FAM135B: variants seen among roughly 807,000 people sequenced by gnomAD.
FAM135B encodes the protein protein FAM135B.
Under a neutral mutation model 127.7 loss-of-function variants are expected in FAM135B, and 43 were observed. The observed-to-expected ratio is 0.34, with a 90% CI of 0.26 to 0.43. The LOEUF (loss-of-function observed/expected upper bound fraction) is 0.43. FAM135B is among the 20% of genes least tolerant of loss of function. The pLI, the probability that FAM135B is intolerant of heterozygous loss-of-function variation, is 1.00. For missense variants in FAM135B, 1,558 were observed against 1,725.6 expected (o/e 0.90, Z 1.72); for synonymous variants, 670 against 665.1 (o/e 1.01, Z -0.11).
chr8:138,496,679 ACTGCAGGG>A lies in FAM135B; in HGVS notation c.-36_-29del, dbSNP rs1250623933. The stretch of plus-strand genomic sequence containing the variant: ...GAAGCGCTCTCACCTACCTGTCTCC[ACTGCAGGG>A]CTCCCCTCTCTCTCCCCCGGGGGCC... On this transcript the variant is annotated 5_prime_UTR_variant, in exon 1 of 20. Transcript: ENST00000395297. The A allele has an allele frequency of 6.6e-6, 1 of 152,064 alleles. No homozygotes were observed. The highest frequency in any genetic ancestry group is 6.6e-5 in the Admixed American group (1 of 15,256). The allele number at this position is 152,064 out of a possible 1,614,324, so 9.4% of individuals were successfully genotyped here. A position where few individuals can be genotyped will look rare whatever the true frequency, so the allele number is the denominator to read the frequency against.
intron 6 of FAM135B, among the ~76,000 whole-genome samples, chr8:138,248,558 A>G (rs1289917215): frequency 6.6e-6 from 1 of 152,068 alleles, no homozygotes; most frequent in Non-Finnish European, 1.5e-5. Context: ...AGTGGCTCAC[A>G]CCTATAATCC....
intron 7 of FAM135B, among the ~76,000 whole-genome samples, chr8:138,200,428 G>A (rs550058627): frequency 6.6e-6 from 1 of 152,252 alleles, no homozygotes; most frequent in Admixed American, 6.5e-5. Context: ...CATCAGACCA[G>A]TTAGATCTGT....
At chr8:138,390,951 G>A (rs1159404456) in intron 1 of FAM135B, among the ~76,000 whole-genome samples, 2 of 152,142 alleles carry the variant, frequency 1.3e-5, no homozygotes, top group Admixed American at 6.5e-5. Context: ...GACGCAACAG[G>A]TGCTACCCAG....
Position 138,235,153 on chromosome 8 carries a change from A to G in FAM135B, c.669+7789T>C, listed in dbSNP as rs75101715. Among the ~76,000 whole-genome samples, 1,494 of 152,258 alleles carry G rather than the reference A, an allele frequency of 9.8e-3. 23 individuals carry two copies. Among genetic ancestry groups the G allele is most frequent in the African/African-American group, 0.035 (1,439 of 41,550 alleles). On this transcript the variant is annotated intron_variant, in intron 7 of 19. Coordinates refer to ENST00000395297, the MANE Select transcript of FAM135B (RefSeq NM_015912.4). ...ATGGCTACATCTACAGTGGCCACTC[A>G]TTGTAGATATAAGAAGATGTAAGTC...
intron 1 of FAM135B, among the ~76,000 whole-genome samples, chr8:138,378,699 T>G (rs1454353580): frequency 6.6e-6 from 1 of 151,218 alleles, no homozygotes; most frequent in East Asian, 1.9e-4. Flanking sequence ...TTTCTTTCCT[T>G]CAATATAGAA....
At chr8:138,361,933 AC>A (rs1430790031) in intron 2 of FAM135B, among the ~76,000 whole-genome samples, 1 of 152,078 alleles carries the variant, frequency 6.6e-6, no homozygotes. Flanking sequence ...ACAAGCATCT[AC>A]CATGCATATG....
intron 1 of FAM135B, chr8:138,437,152 G>C (rs938221316): frequency 6.6e-6 from 1 of 152,090 alleles, no homozygotes; most frequent in African/African-American, 2.4e-5. Context: ...ATTCCTCAGG[G>C]GTTTAGAAAT....
chr8:138,440,419 A>T (rs1247645697), intron 1 of FAM135B: 1 of 152,104 alleles, frequency 6.6e-6, no homozygotes, highest in African/African-American at 2.4e-5. Context: ...ACAAAAGTAA[A>T]ATATGGGCTT....
intron 3 of FAM135B, among the ~76,000 whole-genome samples, chr8:138,299,568 T>TAC (rs1825721979): frequency 6.6e-6 from 1 of 150,524 alleles, no homozygotes; most frequent in Admixed American, 6.6e-5. Context: ...CATGCATGTA[T>TAC]ACATACACAT....
chr8:138,456,901 C>G (rs1278698394), intron 1 of FAM135B, among the ~76,000 whole-genome samples: 2 of 151,914 alleles, frequency 1.3e-5, no homozygotes, highest in Non-Finnish European at 2.9e-5. Context: ...GAGTCATACC[C>G]CGTTCCTCTC....
At chr8:138,186,789 T>C (rs1815625457) in intron 9 of FAM135B, among the ~76,000 whole-genome samples, 2 of 152,204 alleles carry the variant, frequency 1.3e-5, no homozygotes, top group South Asian at 4.1e-4. Context: ...TCATAAAATA[T>C]ACTTGATCAA....
At chr8:138,417,378 C>T (rs1587400769) in intron 1 of FAM135B, among the ~76,000 whole-genome samples, 1 of 152,286 alleles carries the variant, frequency 6.6e-6, no homozygotes, top group Non-Finnish European at 1.5e-5. Context: ...CATAGGCAGG[C>T]CCTCACCACC....
intron 12 of FAM135B, among the ~76,000 whole-genome samples, chr8:138,167,602 G>C (rs1465719852): frequency 6.6e-6 from 1 of 152,308 alleles, no homozygotes; most frequent in Non-Finnish European, 1.5e-5. Flanking sequence ...CTGGTGTGGG[G>C]GTGGGCAGGC....
In FAM135B at chr8:138,222,836, C is replaced by G. The variant is rs1002986919; in HGVS notation, c.669+20106G>C. 2.4e-4 allele frequency among the ~76,000 whole-genome samples: 37 copies of G among 152,178 alleles called. 1 individual carries two copies. Among genetic ancestry groups the G allele is most frequent in the African/African-American group, 8.2e-4 (34 of 41,510 alleles). ...TCTTAAATTATGGATTATATTTTCT[C>G]AAGAAGGACAACTGTGAGTACAGAC... On this transcript the variant is annotated intron_variant, in intron 7 of 19. Transcript: ENST00000395297.
chr8:138,435,381 C>T (rs1835406047), intron 1 of FAM135B, among the ~76,000 whole-genome samples: 1 of 152,054 alleles, frequency 6.6e-6, no homozygotes, highest in Admixed American at 6.6e-5. Flanking sequence ...CTCATTGATG[C>T]CCCTAACCAA....
chr8:138,138,949 C>T (rs377712830), intron 18 of FAM135B, 37 bp downstream of exon 18: 22 of 1,305,858 alleles, frequency 1.7e-5, no homozygotes, highest in Non-Finnish European at 2.2e-5. Flanking sequence ...ATCCCAAGCT[C>T]AAACTCATAA....
chr8:138,369,685 G>A (rs189519670), intron 1 of FAM135B, among the ~76,000 whole-genome samples: 3 of 152,312 alleles, frequency 2.0e-5, no homozygotes, highest in Non-Finnish European at 4.4e-5. Context: ...GTCAAGGTCA[G>A]AACCCGAGGC....
Position 138,141,151 on chromosome 8 carries a change from G to T in FAM135B, c.3790+47C>A, listed in dbSNP as rs1434248152. 4.4e-6 allele frequency: 7 copies of T among 1,588,172 alleles called. No homozygotes were observed. The highest frequency in any genetic ancestry group is 1.3e-5 in the African/African-American group (1 of 74,286). On this transcript the variant is annotated intron_variant, in intron 17 of 19. Coordinates refer to ENST00000395297, the MANE Select transcript of FAM135B (RefSeq NM_015912.4). This position sits in a 1 kb window ranked among gnomAD's most constrained non-coding sequence, Gnocchi z 4.7. ...CCTGTGCCCGGTTTCACGCCCCAGA[G>T]GCCCCAGATTAATTCTGAGGAATGA...
chr8:138,443,575 G>C (rs1468569749), intron 1 of FAM135B, among the ~76,000 whole-genome samples: 2 of 152,110 alleles, frequency 1.3e-5, no homozygotes, highest in East Asian at 3.9e-4. Flanking sequence ...TTTCAAAATT[G>C]TCATTCATCA....
Sources: gnomAD v4.1 joint callset for allele counts (sites outside exome capture counted in the v4.1 genomes callset) on GRCh38, gnomAD v4.1.1 for gene constraint, Gnocchi (gnomAD v3.1) non-coding constraint, MANE v1.5 for transcripts, NCBI Gene and HGNC (gene_info 2026-07-23, HGNC 2026-07-21) for gene names.